CELF2: variants seen among roughly 807,000 people sequenced by gnomAD.
CELF2 encodes the protein CUG triplet repeat RNA-binding protein 2.
Under a neutral mutation model 62.6 loss-of-function variants are expected in CELF2, and 8 were observed. The ratio of observed to expected loss-of-function variants is 0.13; its 90% CI spans 0.07 to 0.23. The LOEUF is 0.23. Ranked by LOEUF, CELF2 falls within the 10% of genes least tolerant of loss-of-function variation. CELF2 has a pLI of 1.00. For synonymous variants in CELF2, 258 were observed against 250.0 expected, an observed-to-expected ratio of 1.03 and a Z score of -0.30; for missense variants, 333 against 671.0, an observed-to-expected ratio of 0.50 and a Z score of 5.56.
At chr10:11,053,017 C>T (rs909082846) in intron 1 of CELF2, among the ~76,000 whole-genome samples, 5 of 151,688 alleles carry the variant, frequency 3.3e-5, no homozygotes, top group Non-Finnish European at 7.4e-5. Flanking sequence ...ATGTTTTCTT[C>T]TTTAATCTTG....
At chr10:10,621,561 C>A in the CELF2 span, among the ~76,000 whole-genome samples, 1 of 152,142 alleles carries the variant, frequency 6.6e-6, no homozygotes, top group Non-Finnish European at 1.5e-5. Context: ...TCCAAATTTA[C>A]CCCCTTTCTG....
At chr10:10,498,662 C>T in the CELF2 span, among the ~76,000 whole-genome samples, 5 of 152,258 alleles carry the variant, frequency 3.3e-5, no homozygotes, top group African/African-American at 7.2e-5. Flanking sequence ...TCTTCCCCAT[C>T]GTGGAGCTAA....
At chr10:10,547,971 G>C in the CELF2 span, among the ~76,000 whole-genome samples, 1 of 152,100 alleles carries the variant, frequency 6.6e-6, no homozygotes, top group Non-Finnish European at 1.5e-5. Flanking sequence ...ATTCATAAAA[G>C]GTGCGGCTCT....
rs562922014 is a variant in CELF2 at position 11,034,256 on chromosome 10, G to A, written c.74+16093G>A. On this transcript the variant is annotated intron_variant, in intron 1 of 12. Coordinates refer to ENST00000633077, the MANE Select transcript of CELF2 (RefSeq NM_001326342.2). ...ATGTTGGATTAATAAGGAATTTCTT[G>A]TTGAGATACAAGAAATTAACCGATG... Among the ~76,000 whole-genome samples, 16 of 152,288 alleles carry A rather than the reference G, an allele frequency of 1.1e-4. No individual in the cohort carries two copies. The East Asian group carries it at 1.7e-3, about 16-fold the overall frequency.
At chr10:10,986,054 A>G (rs2052711324) in intron 2 of CELF2, among the ~76,000 whole-genome samples, 1 of 152,236 alleles carries the variant, frequency 6.6e-6, no homozygotes, top group South Asian at 2.1e-4. Context: ...CCATTCATTT[A>G]TCTATTTGTC....
intron 1 of CELF2, among the ~76,000 whole-genome samples, chr10:10,836,445 A>G (rs2132385506): frequency 6.6e-6 from 1 of 152,342 alleles, no homozygotes; most frequent in Non-Finnish European, 1.5e-5. Context: ...TCGATATGAC[A>G]ACACTGAAGT....
chr10:11,056,734 G>A (rs1317042682), intron 1 of CELF2, among the ~76,000 whole-genome samples: 2 of 152,170 alleles, frequency 1.3e-5, no homozygotes, highest in Non-Finnish European at 2.9e-5. Context: ...CATGAAGATA[G>A]TAGACCACTT....
At chr10:11,007,985 C>A (rs893899703) in intron 1 of CELF2, among the ~76,000 whole-genome samples, 1 of 152,094 alleles carries the variant, frequency 6.6e-6, no homozygotes, top group Non-Finnish European at 1.5e-5. Flanking sequence ...TTATTACCAG[C>A]TCCCGGAATT....
chr10:10,771,053 G>C, the CELF2 span, among the ~76,000 whole-genome samples: 3 of 152,270 alleles, frequency 2.0e-5, no homozygotes, highest in South Asian at 6.2e-4. Context: ...GGGAATAGAC[G>C]AGTGTTCTTC....
intron 1 of CELF2, among the ~76,000 whole-genome samples, chr10:11,113,948 A>G (rs917437799): frequency 6.6e-6 from 1 of 152,180 alleles, no homozygotes; most frequent in Non-Finnish European, 1.5e-5. Context: ...CTGGCTTCAT[A>G]TATGATTTGT....
chr10:10,814,514 C>T (rs1332958392), intron 1 of CELF2, among the ~76,000 whole-genome samples: 5 of 152,280 alleles, frequency 3.3e-5, no homozygotes, highest in Non-Finnish European at 7.3e-5. Context: ...ACCACAGCAG[C>T]GCCGTAGTAT....
At chr10:10,826,373 A>G (rs1590856735) in intron 1 of CELF2, among the ~76,000 whole-genome samples, 1 of 152,190 alleles carries the variant, frequency 6.6e-6, no homozygotes, top group African/African-American at 2.4e-5. Flanking sequence ...CTCAGACACA[A>G]TGGTTTATGA....
intron 10 of CELF2, chr10:11,320,753 C>G (rs1347581726): frequency 1.7e-6 from 2 of 1,201,928 alleles, no homozygotes; most frequent in Non-Finnish European, 2.3e-6. Flanking sequence ...GCCCTGCAAG[C>G]TATCCCATAG....
the CELF2 span, among the ~76,000 whole-genome samples, chr10:10,637,004 C>T: frequency 2.6e-5 from 4 of 152,092 alleles, no homozygotes; most frequent in African/African-American, 9.7e-5. Flanking sequence ...GTAGAAAGTA[C>T]TTTAGATATT....
the CELF2 span, among the ~76,000 whole-genome samples, chr10:10,631,403 C>T: frequency 2.0e-5 from 3 of 152,206 alleles, no homozygotes; most frequent in Non-Finnish European, 2.9e-5. Flanking sequence ...AGAAACCACA[C>T]TTCAAAGCTT....
At chr10:10,487,303 G>C in the CELF2 span, among the ~76,000 whole-genome samples, 1 of 152,170 alleles carries the variant, frequency 6.6e-6, no homozygotes, top group East Asian at 1.9e-4. Flanking sequence ...CCACGTCAGA[G>C]GTCAGAGCAG....
In CELF2 at chr10:11,311,597, T is replaced by C. The variant is rs1428450904; in HGVS notation, c.977-2542T>C. 6.6e-6 allele frequency among the ~76,000 whole-genome samples: 1 copy of C among 152,066 alleles called. No homozygotes were observed. Among genetic ancestry groups the C allele is most frequent in the Non-Finnish European group, 1.5e-5 (1 of 67,990 alleles). The stretch of plus-strand genomic sequence containing the variant: ...CTAATATGTTTACATATTAAAAGAA[T>C]TTGAAAAGCGAAAAAGCCACTGATT... On this transcript the variant is annotated intron_variant, in intron 9 of 12. Coordinates refer to ENST00000633077, the MANE Select transcript of CELF2 (RefSeq NM_001326342.2). This position sits in a 1 kb window ranked among gnomAD's most constrained non-coding sequence, Gnocchi z 4.7.
chr10:11,213,111 G>A (rs1169636106), intron 2 of CELF2, among the ~76,000 whole-genome samples: 1 of 148,396 alleles, frequency 6.7e-6, no homozygotes. Context: ...ATGGAGCGAG[G>A]CCTCTCACTC....
chr10:11,215,567 C>T (rs1450904004), intron 2 of CELF2, among the ~76,000 whole-genome samples: 2 of 149,830 alleles, frequency 1.3e-5, no homozygotes, highest in East Asian at 3.9e-4. Flanking sequence ...CCAAAAGTTA[C>T]CTGCCTGAAA....
Sources: allele counts gnomAD v4.1 joint callset (sites outside exome capture counted in the v4.1 genomes callset), GRCh38; gene constraint gnomAD v4.1.1; non-coding constraint Gnocchi (gnomAD v3.1); transcripts MANE v1.5; gene names NCBI Gene and HGNC (gene_info 2026-07-23, HGNC 2026-07-21).